Variants in DNM3 observed in about 807,000 individuals in gnomAD.
The protein encoded by DNM3 is dynamin 3.
Under a neutral mutation model 101.6 loss-of-function variants are expected in DNM3, and 47 were observed. The ratio of observed to expected loss-of-function variants is 0.46; its 90% confidence interval spans 0.37 to 0.59. The LOEUF is 0.59. DNM3 is among the 20% of genes least tolerant of loss of function. The pLI is 0.00. For synonymous variants in DNM3, 385 were observed against 387.9 expected (o/e 0.99, Z 0.09); for missense variants, 849 against 1,085.7 (o/e 0.78, Z 3.06).
intron 20 of DNM3, among the ~76,000 whole-genome samples, chr1:172,405,759 G>C (rs2070838289): frequency 6.6e-6 from 1 of 151,922 alleles, no homozygotes; most frequent in Non-Finnish European, 1.5e-5. Flanking sequence ...TAGGTTACAT[G>C]ATTATTTGAC....
At chr1:171,974,724 C>G (rs1156464015) in intron 2 of DNM3, among the ~76,000 whole-genome samples, 1 of 152,200 alleles carries the variant, frequency 6.6e-6, no homozygotes, top group African/African-American at 2.4e-5. Context: ...CTAAGGGAAA[C>G]TTCTAAATAT....
In DNM3 at chr1:171,901,092, G is replaced by A. The variant is rs534628212; in HGVS notation, c.162-20656G>A. Among the ~76,000 whole-genome samples, 136 of 125,706 alleles carry A rather than the reference G, an allele frequency of 1.1e-3. 1 individual carries two copies. Among genetic ancestry groups the A allele is most frequent in the African/African-American group, 4.0e-3 (127 of 31,838 alleles). The allele number at this position is 125,706 out of a possible 152,430, so 82.5% of individuals were successfully genotyped here. The stretch of plus-strand genomic sequence containing the variant: ...CGCGCCACTGCACTCCAGCATGGGC[G>A]ACAGAGCGAGACTCTGTCTCAAAAA... On this transcript the variant is annotated intron_variant, in intron 1 of 20. Transcript: ENST00000627582.
intron 17 of DNM3, among the ~76,000 whole-genome samples, chr1:172,343,362 T>C (rs1043998230): frequency 3.3e-5 from 5 of 152,104 alleles, no homozygotes; most frequent in African/African-American, 9.7e-5. Flanking sequence ...CTGAAACTGT[T>C]ATAGATTATG....
At chr1:171,966,434 G>T (rs1441875187) in intron 2 of DNM3, among the ~76,000 whole-genome samples, 3 of 152,224 alleles carry the variant, frequency 2.0e-5, no homozygotes, top group Admixed American at 6.5e-5. Context: ...CCTGATCCTT[G>T]TATTATTATA....
rs539782993 is a variant in DNM3, at chr1:171,845,539, G to A, written c.161+3722G>A. On this transcript the variant is annotated intron_variant, in intron 1 of 20. Transcript: ENST00000627582. Reference sequence around the variant, plus strand: ...ACTGCACTCCGGCATGGCTGATAGAGCAAGACTCTGTCTCAAATAATAATA... The same window carrying A: ...ACTGCACTCCGGCATGGCTGATAGAACAAGACTCTGTCTCAAATAATAATA... Among the ~76,000 whole-genome samples, 3 of 152,270 alleles carry A rather than the reference G, an allele frequency of 2.0e-5. No homozygotes were observed. In the South Asian group the frequency reaches 6.2e-4, roughly 32 times the overall value.
chr1:172,389,448 G>T (rs12130929), intron 20 of DNM3, among the ~76,000 whole-genome samples: 12,780 of 152,110 alleles, frequency 0.084, 597 homozygotes, highest in South Asian at 0.14. Context: ...GGATTTTCAG[G>T]CTTAATTGTG....
chr1:172,057,086 G>C (rs1226433757), intron 10 of DNM3, among the ~76,000 whole-genome samples: 2 of 152,100 alleles, frequency 1.3e-5, no homozygotes, highest in African/African-American at 4.8e-5. Context: ...CTGGAAGAAA[G>C]GGTATCAGCA....
rs1005679726 is a variant in DNM3 at position 172,036,643 on chromosome 1, T to C, written c.850-1676T>C. On this transcript the variant is annotated intron_variant, in intron 6 of 20. Coordinates refer to ENST00000627582, the MANE Select transcript of DNM3 (RefSeq NM_015569.5). Reference sequence around the variant, plus strand: ...TCCTTACACCTTATACAAAAATTAATTCAAGATGGATTAAAGACTTAAACG... The same window carrying C: ...TCCTTACACCTTATACAAAAATTAACTCAAGATGGATTAAAGACTTAAACG... Among the ~76,000 whole-genome samples the C allele has an allele frequency of 4.2e-4, 64 of 152,188 alleles. 1 individual carries two copies. The highest frequency in any genetic ancestry group is 3.4e-3 in the Middle Eastern group (1 of 294).
chr1:172,171,807 A>G (rs1248294003), intron 14 of DNM3, among the ~76,000 whole-genome samples: 1 of 151,780 alleles, frequency 6.6e-6, no homozygotes, highest in Non-Finnish European at 1.5e-5. Flanking sequence ...CTGTACTCAC[A>G]AGATAGATAG....
intron 2 of DNM3, among the ~76,000 whole-genome samples, chr1:171,980,859 G>T (rs12037133): frequency 0.79 from 117,622 of 149,794 alleles, 46,141 homozygotes; most frequent in Middle Eastern, 0.86. Flanking sequence ...CAACCTCCAC[G>T]TCTCAGATTC....
chr1:172,352,486 G>C (rs1019539490), intron 17 of DNM3, among the ~76,000 whole-genome samples: 5 of 152,092 alleles, frequency 3.3e-5, no homozygotes, highest in African/African-American at 9.7e-5. Flanking sequence ...AATCACTACA[G>C]CATAAGCCTC....
intron 14 of DNM3, among the ~76,000 whole-genome samples, chr1:172,199,998 T>C (rs1235170384): frequency 6.6e-6 from 1 of 152,088 alleles, no homozygotes; most frequent in African/African-American, 2.4e-5. Flanking sequence ...TGCTTTACAG[T>C]GACACTGGTC....
At chr1:172,240,548 A>G (rs1191479965) in intron 14 of DNM3, among the ~76,000 whole-genome samples, 1 of 152,194 alleles carries the variant, frequency 6.6e-6, no homozygotes, top group Non-Finnish European at 1.5e-5. Flanking sequence ...TTACAAACAT[A>G]TGGTATATTT....
chr1:171,978,889 T>C (rs1478214777), intron 2 of DNM3, among the ~76,000 whole-genome samples: 1 of 152,136 alleles, frequency 6.6e-6, no homozygotes, highest in African/African-American at 2.4e-5. Flanking sequence ...AAATGTCAGT[T>C]AAGCATTAGA....
At chr1:172,136,456 T>C (rs1346653076) in intron 14 of DNM3, 1 of 152,144 alleles carries the variant, frequency 6.6e-6, no homozygotes, top group African/African-American at 2.4e-5. Context: ...GTGAACACTG[T>C]TCACACTCCT....
intron 14 of DNM3, among the ~76,000 whole-genome samples, chr1:172,250,739 T>C (rs553423669): frequency 6.6e-6 from 1 of 151,870 alleles, no homozygotes; most frequent in South Asian, 2.1e-4. Context: ...TCAGATGGGG[T>C]GACAGGGAGA....
At chr1:172,158,308 A>G (rs1380531229) in intron 14 of DNM3, among the ~76,000 whole-genome samples, 2 of 152,014 alleles carry the variant, frequency 1.3e-5, no homozygotes, top group Non-Finnish European at 2.9e-5. Flanking sequence ...TGAGTGGTAC[A>G]ATGATGGGCA....
chr1:172,257,786 G>A (rs927116330), intron 15 of DNM3, among the ~76,000 whole-genome samples: 2 of 151,602 alleles, frequency 1.3e-5, no homozygotes, highest in African/African-American at 4.9e-5. Context: ...CCATACTCTA[G>A]TATTGAACAT....
intron 1 of DNM3, among the ~76,000 whole-genome samples, chr1:171,913,538 G>T (rs188942176): frequency 6.6e-6 from 1 of 152,262 alleles, no homozygotes; most frequent in Non-Finnish European, 1.5e-5. Flanking sequence ...GCATTGTAAT[G>T]GTTGGCAAAG....
Sources: gnomAD v4.1 joint callset for allele counts (sites outside exome capture counted in the v4.1 genomes callset) on GRCh38, gnomAD v4.1.1 for gene constraint, MANE v1.5 for transcripts, NCBI Gene and HGNC (gene_info 2026-07-23, HGNC 2026-07-21) for gene names.